BTBD16: variants seen among roughly 807,000 people sequenced by gnomAD.
The protein encoded by BTBD16 is BTB/POZ domain-containing protein 16.
Under a neutral mutation model 67.4 loss-of-function variants are expected in BTBD16, and 66 were observed. The observed-to-expected ratio is 0.98, with a 90% confidence interval of 0.80 to 1.20. The LOEUF is 1.20. Ranked by LOEUF, BTBD16 falls within the 50% of genes most tolerant of loss-of-function variation. BTBD16 has a pLI of 0.00. For synonymous variants in BTBD16, 242 were observed against 236.4 expected (o/e 1.02, Z -0.22); for missense variants, 634 against 616.0 (o/e 1.03, Z -0.31).
At chr10:122,305,902 C>T (rs923900432) in intron 9 of BTBD16, among the ~76,000 whole-genome samples, 6 of 152,230 alleles carry the variant, frequency 3.9e-5, no homozygotes, top group African/African-American at 1.4e-4. Flanking sequence ...ACCCATGTTG[C>T]TGCAAATGAC....
chr10:122,296,183 A>G (rs1393816427), intron 7 of BTBD16, among the ~76,000 whole-genome samples: 1 of 152,158 alleles, frequency 6.6e-6, no homozygotes, highest in Non-Finnish European at 1.5e-5. Flanking sequence ...AAAACTGTGG[A>G]TGTCTTCAGC....
At chr10:122,283,463 A>T (rs7076102) in intron 3 of BTBD16, among the ~76,000 whole-genome samples, 98,072 of 152,046 alleles carry the variant, frequency 0.65, 33,122 homozygotes, top group East Asian at 0.89. Context: ...CTAAAGAAAA[A>T]TGTTGGTGAG....
intron 3 of BTBD16, among the ~76,000 whole-genome samples, chr10:122,279,735 G>A (rs1017566588): frequency 2.6e-5 from 4 of 152,230 alleles, no homozygotes; most frequent in African/African-American, 9.6e-5. Flanking sequence ...TGCAACATAC[G>A]TTATATCCCC....
At chr10:122,304,550 CTT>C (rs3037891) in intron 9 of BTBD16, among the ~76,000 whole-genome samples, 2,248 of 95,434 alleles carry the variant, frequency 0.024, 17 homozygotes, top group Middle Eastern at 0.061. Context: ...AGCAGGTATT[CTT>C]TTTTTTTTTT....
At position 122,309,928 on chromosome 10, in the gene BTBD16, C is replaced by G. The variant is rs141022547; in HGVS notation, c.911+2620C>G. On this transcript the variant is annotated intron_variant, in intron 10 of 15. Coordinates refer to ENST00000260723, the MANE Select transcript of BTBD16 (RefSeq NM_144587.5). The stretch of plus-strand genomic sequence containing the variant: ...CTGGGACTACAGGCACGTGCCACCA[C>G]GCCCAGCTAATTTTTGTATTTTTAG... Among the ~76,000 whole-genome samples the G allele has an allele frequency of 3.3e-3, 509 of 151,968 alleles. 4 individuals are homozygous for G. Among genetic ancestry groups the G allele is most frequent in the African/African-American group, 0.012 (482 of 41,420 alleles).
chr10:122,274,371 C>T (rs1354385090), intron 1 of BTBD16, among the ~76,000 whole-genome samples: 1 of 152,198 alleles, frequency 6.6e-6, no homozygotes, highest in Admixed American at 6.5e-5. Flanking sequence ...CAACAGCCAC[C>T]AACTCCTGGT....
chr10:122,321,191 T>A lies in BTBD16; in HGVS notation c.912-8289T>A, dbSNP rs184316052. Among the ~76,000 whole-genome samples, 75 of 152,316 alleles carry A rather than the reference T, an allele frequency of 4.9e-4. 1 individual carries two copies. Among genetic ancestry groups the A allele is most frequent in the African/African-American group, 1.8e-3 (74 of 41,578 alleles). On this transcript the variant is annotated intron_variant, in intron 10 of 15. Coordinates refer to ENST00000260723, the MANE Select transcript of BTBD16 (RefSeq NM_144587.5). ...GCTGCAAAGAACATAATATATATAT[T>A]TTTTAATGGCTGTGTGGGATTCCAT...
intron 3 of BTBD16, among the ~76,000 whole-genome samples, chr10:122,277,493 G>A (rs973968305): frequency 1.1e-4 from 16 of 152,158 alleles, no homozygotes; most frequent in African/African-American, 3.6e-4. Context: ...AAGAAAAAAG[G>A]TTTATTTGGC....
intron 10 of BTBD16, among the ~76,000 whole-genome samples, chr10:122,313,120 G>T (rs1434176370): frequency 6.6e-6 from 1 of 151,484 alleles, no homozygotes; most frequent in Non-Finnish European, 1.5e-5. Flanking sequence ...CAGGTGATCT[G>T]CCTGAATCAG....
chr10:122,329,398 C>A, intron 10 of BTBD16, 82 bp from the exon 11 acceptor site: 2 of 1,385,002 alleles, frequency 1.4e-6, no homozygotes, highest in Admixed American at 1.7e-5. Context: ...CTAGTCTCTA[C>A]AACATGGCTT....
At chr10:122,291,235 G>C in intron 7 of BTBD16, 41 bp downstream of exon 7, 1 of 1,586,634 alleles carries the variant, frequency 6.3e-7, no homozygotes, top group Non-Finnish European at 8.6e-7. Flanking sequence ...CCGGGCCTGG[G>C]GGAAATCGGA....
rs193920863 is a variant in BTBD16, at chr10:122,276,854, C to T, written c.82C>T (p.Pro28Ser). The T allele has an allele frequency of 6.2e-7, 1 of 1,614,234 alleles. No individual in the cohort carries two copies. The highest frequency in any genetic ancestry group is 8.5e-7 in the Non-Finnish European group (1 of 1,180,038). Residue 28 changes from proline (P) to serine (S), a missense_variant, in exon 3 of 16, where the codon CCT (proline) becomes TCT (serine). Transcript: ENST00000260723. ...CAACCGGTGGCGTTTGCCCAAACAG[C>T]CTTTCTCTGGGGACCTGCTCTCACT... ...STNRWRLPKQ[P>S]FSGDLLSLSQ...
In BTBD16 at chr10:122,286,357, A is replaced by G; in HGVS notation, c.385+109A>G. 2 of 1,442,708 alleles carry G rather than the reference A, an allele frequency of 1.4e-6. 1 individual carries two copies. The highest frequency in any genetic ancestry group is 1.8e-6 in the Non-Finnish European group (2 of 1,089,808). The allele number at this position is 1,442,708 out of a possible 1,614,324, so 89.4% of individuals were successfully genotyped here. On this transcript the variant is annotated intron_variant, in intron 5 of 15. Coordinates refer to ENST00000260723, the MANE Select transcript of BTBD16 (RefSeq NM_144587.5). ...GAGACCACGGTCACTCTAGCAGTCAAGAGTAAGGCTCCACAGTGTTATCTC... is the reference window on the plus strand; with the variant it reads ...GAGACCACGGTCACTCTAGCAGTCAGGAGTAAGGCTCCACAGTGTTATCTC...
intron 10 of BTBD16, among the ~76,000 whole-genome samples, chr10:122,324,993 T>C (rs560684598): frequency 3.3e-5 from 5 of 152,350 alleles, no homozygotes; most frequent in African/African-American, 1.2e-4. Context: ...CAGGACCATC[T>C]TGACAGACAG....
rs77964823 is a variant in BTBD16, at chr10:122,298,708, G to A, written c.661-296G>A. On this transcript the variant is annotated intron_variant, in intron 8 of 15. Coordinates refer to ENST00000260723, the MANE Select transcript of BTBD16 (RefSeq NM_144587.5). ...CTCTGCCACTTACGAGTTGTGTGACGACAGGCAAGAGCAGGAACCTGGGAG... is the reference window on the plus strand; with the variant it reads ...CTCTGCCACTTACGAGTTGTGTGACAACAGGCAAGAGCAGGAACCTGGGAG... 1.8e-3 allele frequency among the ~76,000 whole-genome samples: 275 copies of A among 152,226 alleles called. 7 individuals are homozygous for A. In the East Asian group the frequency reaches 0.045, roughly 25 times the overall value.
rs147355457 is a variant in BTBD16, at chr10:122,299,068, G to A, written c.725G>A (p.Gly242Glu). 3.3e-4 allele frequency: 540 copies of A among 1,613,878 alleles called. No homozygotes were observed. Among genetic ancestry groups the A allele is most frequent in the Middle Eastern group, 4.9e-4 (3 of 6,078 alleles). ...CTGGAAATGAACTTGGTTCCTCTAG[G>A]GGGGACGCAGATCCACCTCCACAAA... ...KWLEMNLVPL[G>E]GTQIHLHKIP... The change falls in exon 9 of 16, where the codon GGG becomes GAG. Residue 242 changes from glycine to glutamate, a missense_variant. Gly to Glu is a moderately conservative substitution (Grantham distance 98, BLOSUM62 -2). Coordinates refer to ENST00000260723, the MANE Select transcript of BTBD16 (RefSeq NM_144587.5).
intron 3 of BTBD16, among the ~76,000 whole-genome samples, chr10:122,279,872 T>C (rs2096348810): frequency 6.6e-6 from 1 of 152,178 alleles, no homozygotes; most frequent in South Asian, 2.1e-4. Flanking sequence ...GTCTATTTCT[T>C]GAGTTACGGA....
intron 10 of BTBD16, among the ~76,000 whole-genome samples, chr10:122,321,122 G>A (rs1411442412): frequency 1.3e-5 from 2 of 152,072 alleles, no homozygotes; most frequent in Non-Finnish European, 2.9e-5. Flanking sequence ...TTCTGTTTCT[G>A]CATTAATTCA....
At chr10:122,304,438 C>T (rs530737062) in intron 9 of BTBD16, among the ~76,000 whole-genome samples, 22 of 151,602 alleles carry the variant, frequency 1.5e-4, no homozygotes, top group Non-Finnish European at 2.6e-4. Flanking sequence ...AAAATGTCAA[C>T]GGGTTTAAGA....
Sources: allele counts gnomAD v4.1 joint callset (sites outside exome capture counted in the v4.1 genomes callset), GRCh38; gene constraint gnomAD v4.1.1; transcripts MANE v1.5; gene names NCBI Gene and HGNC (gene_info 2026-07-23, HGNC 2026-07-21).